Variants in SRBD1 observed in about 807,000 individuals in gnomAD.
SRBD1 encodes the protein S1 RNA binding domain 1, also known as S1 RNA-binding domain-containing protein 1.
Under a neutral mutation model 115.3 loss-of-function variants are expected in SRBD1, and 88 were observed. That is an observed-to-expected ratio of 0.76 (90% CI 0.64 to 0.91). The LOEUF is 0.91. Ranked by LOEUF, SRBD1 falls within the 40% of genes least tolerant of loss-of-function variation. The pLI is 0.00. For missense variants in SRBD1, 1,385 were observed against 1,177.4 expected, an observed-to-expected ratio of 1.18 and a Z score of -2.58; for synonymous variants, 509 against 407.7, an observed-to-expected ratio of 1.25 and a Z score of -2.99.
At chr2:45,495,527 C>T (rs574467940) in intron 14 of SRBD1, among the ~76,000 whole-genome samples, 1 of 152,058 alleles carries the variant, frequency 6.6e-6, no homozygotes, top group East Asian at 1.9e-4. Context: ...TTTCAAAATC[C>T]CTCTTTTATC....
At chr2:45,555,025 AT>A (rs1417722603) in intron 10 of SRBD1, among the ~76,000 whole-genome samples, 1 of 151,398 alleles carries the variant, frequency 6.6e-6, no homozygotes, top group African/African-American at 2.4e-5. Flanking sequence ...TGATGATTTT[AT>A]CCCCCTTACC....
chr2:45,521,132 G>A (rs957394487), intron 14 of SRBD1, among the ~76,000 whole-genome samples: 1 of 152,064 alleles, frequency 6.6e-6, no homozygotes, highest in African/African-American at 2.4e-5. Context: ...CCACACCCCT[G>A]TCGCACGTCC....
intron 14 of SRBD1, among the ~76,000 whole-genome samples, chr2:45,498,754 T>C (rs1206451981): frequency 1.3e-5 from 2 of 152,168 alleles, no homozygotes; most frequent in Non-Finnish European, 2.9e-5. Context: ...TATTTGTCTT[T>C]CCATGCCTGG....
chr2:45,424,695 T>C (rs1438503266), intron 16 of SRBD1, among the ~76,000 whole-genome samples: 3 of 152,148 alleles, frequency 2.0e-5, no homozygotes, highest in Non-Finnish European at 4.4e-5. Flanking sequence ...AAGTGATGTG[T>C]GATAAGTGCC....
intron 14 of SRBD1, among the ~76,000 whole-genome samples, chr2:45,491,481 T>C (rs531530554): frequency 3.3e-5 from 5 of 152,206 alleles, no homozygotes; most frequent in East Asian, 1.9e-4. Context: ...TAATTATTTA[T>C]AGATTATTAC....
chr2:45,427,098 C>A (rs1668176839), intron 16 of SRBD1, among the ~76,000 whole-genome samples: 1 of 152,038 alleles, frequency 6.6e-6, no homozygotes, highest in Non-Finnish European at 1.5e-5. Context: ...AAACTAAGAA[C>A]CCTGAAAAAA....
At chr2:45,501,494 C>G (rs1039138854) in intron 14 of SRBD1, among the ~76,000 whole-genome samples, 12 of 152,272 alleles carry the variant, frequency 7.9e-5, no homozygotes, top group Admixed American at 7.2e-4. Flanking sequence ...GGCAAGGCAT[C>G]GCCTCACCCA....
At chr2:45,582,973 C>G (rs1459453932) in intron 5 of SRBD1, among the ~76,000 whole-genome samples, 1 of 152,134 alleles carries the variant, frequency 6.6e-6, no homozygotes, top group Non-Finnish European at 1.5e-5. Flanking sequence ...ACAGGGATCA[C>G]TAAACAACTA....
chr2:45,492,994 G>A (rs1273805625), intron 14 of SRBD1, among the ~76,000 whole-genome samples: 1 of 152,180 alleles, frequency 6.6e-6, no homozygotes, highest in African/African-American at 2.4e-5. Flanking sequence ...ACTCAACACT[G>A]ACTGATACCT....
chr2:45,510,568 G>A (rs1670935912), intron 14 of SRBD1, among the ~76,000 whole-genome samples: 1 of 152,152 alleles, frequency 6.6e-6, no homozygotes, highest in Non-Finnish European at 1.5e-5. Context: ...GGATCACAGG[G>A]TTTATAAAGT....
chr2:45,600,957 A>C (rs1211827132), intron 3 of SRBD1, among the ~76,000 whole-genome samples: 1 of 152,204 alleles, frequency 6.6e-6, no homozygotes, highest in East Asian at 1.9e-4. Context: ...ACTTGAAAAT[A>C]ATGAACATTA....
chr2:45,498,369 T>G (rs1227520901), intron 14 of SRBD1, among the ~76,000 whole-genome samples: 1 of 152,182 alleles, frequency 6.6e-6, no homozygotes, highest in Non-Finnish European at 1.5e-5. Context: ...TTAATGGTTT[T>G]CTGAAACAGA....
Position 45,520,422 on chromosome 2 carries a change from A to C in SRBD1, c.1874+26310T>G, listed in dbSNP as rs566263998. Among the ~76,000 whole-genome samples the C allele has an allele frequency of 1.1e-4, 16 of 152,330 alleles. No homozygotes were observed. The South Asian group carries it at 2.1e-3, about 20-fold the overall frequency. Reference sequence around the variant, plus strand: ...GTTTGCTTTAGGCATTTCTGGTGACAGTTACAAGATCCCTGAATTTGCTAC... The same window carrying C: ...GTTTGCTTTAGGCATTTCTGGTGACCGTTACAAGATCCCTGAATTTGCTAC... On this transcript the variant is annotated intron_variant, in intron 14 of 20. Transcript: ENST00000263736.
At chr2:45,534,747 A>G (rs1197562129) in intron 14 of SRBD1, among the ~76,000 whole-genome samples, 1 of 152,006 alleles carries the variant, frequency 6.6e-6, no homozygotes, top group Non-Finnish European at 1.5e-5. Flanking sequence ...CTCCATATAA[A>G]ACAGTATTAA....
chr2:45,529,000 G>T (rs1383025444), intron 14 of SRBD1, among the ~76,000 whole-genome samples: 1 of 151,898 alleles, frequency 6.6e-6, no homozygotes, highest in African/African-American at 2.4e-5. Context: ...CAAAAAATGT[G>T]TTGTGTGAAT....
intron 6 of SRBD1, 83 bp downstream of exon 6, chr2:45,581,610 T>C: frequency 1.0e-6 from 1 of 959,202 alleles, no homozygotes. Context: ...TAGCTTTTTA[T>C]TTCTTGGTGT....
chr2:45,567,974 G>A (rs1369169063), intron 9 of SRBD1: 1 of 152,172 alleles, frequency 6.6e-6, no homozygotes. Context: ...TGGTGGAGAA[G>A]GGAATAAGGT....
chr2:45,550,935 T>C (rs1035972327), intron 12 of SRBD1, among the ~76,000 whole-genome samples, 190 bp downstream of exon 12: 1 of 152,224 alleles, frequency 6.6e-6, no homozygotes. Context: ...TAGTTGTATA[T>C]TGAGGAGTTT....
chr2:45,566,461 C>G (rs1672834160), intron 9 of SRBD1, among the ~76,000 whole-genome samples: 2 of 152,208 alleles, frequency 1.3e-5, no homozygotes, highest in South Asian at 4.1e-4. Context: ...CGGCAAAAGT[C>G]TGCATATTGT....
Sources: allele counts gnomAD v4.1 joint callset (sites outside exome capture counted in the v4.1 genomes callset), GRCh38; gene constraint gnomAD v4.1.1; transcripts MANE v1.5; gene names NCBI Gene and HGNC (gene_info 2026-07-23, HGNC 2026-07-21).